Variants in ZZEF1 observed in about 807,000 individuals in gnomAD.
The protein encoded by ZZEF1 is zinc finger ZZ-type and EF-hand domain-containing protein 1.
In ZZEF1, 157 loss-of-function variants were observed where a neutral mutation model predicts 342.8. The observed-to-expected ratio is 0.46, with a 90% CI of 0.40 to 0.52. The LOEUF (loss-of-function observed/expected upper bound fraction) is 0.52, where lower values mean the gene tolerates loss of function less well. ZZEF1 is among the 20% of genes least tolerant of loss of function. The probability of loss-of-function intolerance (pLI) is 0.00; values close to 1 mark genes in which losing one functional copy is unlikely to be tolerated. For missense variants in ZZEF1, 3,480 were observed against 3,725.6 expected (o/e 0.93, Z 1.72); for synonymous variants, 1,505 against 1,429.1 (o/e 1.05, Z -1.20).
At chr17:4,096,791 T>G (rs188990415) in intron 9 of ZZEF1, 91 bp from the exon 10 acceptor site, 102 of 1,010,486 alleles carry the variant, frequency 1.0e-4, no homozygotes, top group Admixed American at 4.3e-4. Flanking sequence ...ATCCTTTGAG[T>G]CATGGGGGGT....
rs183526392 is a variant in ZZEF1, at chr17:4,075,247, A to T, written c.3401+16T>A. ...ACCTATTAGCGCTTGGGGGTGAAAG[A>T]ATATAGAAGTCTTACCTTTTTTCAG... On this transcript the variant is annotated intron_variant, in intron 22 of 54. Coordinates refer to ENST00000381638, the MANE Select transcript of ZZEF1 (RefSeq NM_015113.4). 6.5e-5 allele frequency: 105 copies of T among 1,613,758 alleles called. No homozygotes were observed. The East Asian group carries it at 2.0e-3, about 31-fold the overall frequency.
At chr17:4,027,002 C>T (rs2056422112) in intron 42 of ZZEF1, among the ~76,000 whole-genome samples, 2 of 152,128 alleles carry the variant, frequency 1.3e-5, no homozygotes, top group Admixed American at 6.6e-5. Context: ...CACGTCCCCC[C>T]ACAAAACTAA....
Position 4,085,697 on chromosome 17 carries a change from G to A in ZZEF1, c.2619C>T (p.Thr873=), listed in dbSNP as rs746222795. ...TCATGGTGAAGAGATGGTTCCGTCG[G>A]GTCTGTCGATTAGGAAAGAAGATGG... ...GAAIFFPNRQ[T]RRNHLFTMMN... The change falls in exon 16 of 55, where the codon ACC becomes ACT. Residue 873 remains threonine, a synonymous_variant. Coordinates refer to ENST00000381638, the MANE Select transcript of ZZEF1 (RefSeq NM_015113.4). The A allele has an allele frequency of 3.1e-6, 5 of 1,614,122 alleles. No homozygotes were observed. In the South Asian group the frequency reaches 5.5e-5, roughly 18 times the overall value.
chr17:4,109,811 A>T lies in ZZEF1; in HGVS notation c.1119T>A (p.Ile373=). The change falls in exon 6 of 55, where the codon ATT becomes ATA. Residue 373 remains isoleucine, a synonymous_variant. Coordinates refer to ENST00000381638, the MANE Select transcript of ZZEF1 (RefSeq NM_015113.4). ...RCLSDGCDTR[I]HGLRAVGFQR... ...GAAAGCCAACAGCCCTGAGACCATG[A>T]ATTCTAGTGTCGCAGCCATCGCTAA... 1.2e-6 allele frequency: 2 copies of T among 1,614,202 alleles called. No individual in the cohort carries two copies.
At chr17:4,077,503 T>C (rs1019572742) in intron 19 of ZZEF1, among the ~76,000 whole-genome samples, 9 of 152,226 alleles carry the variant, frequency 5.9e-5, no homozygotes, top group African/African-American at 2.2e-4. Context: ...TCAGCAATGG[T>C]CACAATGCTC....
chr17:4,074,948 G>A (rs976137284), intron 23 of ZZEF1, 149 bp downstream of exon 23: 1 of 830,118 alleles, frequency 1.2e-6, no homozygotes, highest in Non-Finnish European at 1.9e-6. Flanking sequence ...GACTATAGCT[G>A]GTCAAACTCT....
At chr17:4,063,727 C>G (rs2057331468) in intron 29 of ZZEF1, among the ~76,000 whole-genome samples, 1 of 116,624 alleles carries the variant, frequency 8.6e-6, no homozygotes, top group Admixed American at 8.5e-5. Context: ...ACACTCAGGT[C>G]ATTTTTTTTT....
At chr17:4,051,367 G>A (rs1597815041) in intron 35 of ZZEF1, among the ~76,000 whole-genome samples, 1 of 152,130 alleles carries the variant, frequency 6.6e-6, no homozygotes, top group African/African-American at 2.4e-5. Flanking sequence ...ATTTTTAAAG[G>A]GGGGTATAAA....
chr17:4,016,566 A>C lies in ZZEF1; in HGVS notation c.8002-100T>G. On this transcript the variant is annotated intron_variant, in intron 48 of 54. Coordinates refer to ENST00000381638, the MANE Select transcript of ZZEF1 (RefSeq NM_015113.4). This position sits in a 1 kb window ranked among gnomAD's most constrained non-coding sequence, Gnocchi z 4.4. Reference sequence around the variant, plus strand: ...AGCTCCACCCAAAGGTGCTGGCATCATCTTAGACCTAGGACGAGCCTCTGT... The same window carrying C: ...AGCTCCACCCAAAGGTGCTGGCATCCTCTTAGACCTAGGACGAGCCTCTGT... The C allele has an allele frequency of 7.0e-7, 1 of 1,421,878 alleles. No homozygotes were observed. Among genetic ancestry groups the C allele is most frequent in the South Asian group, 1.4e-5 (1 of 70,746 alleles). 88.1% of individuals were successfully genotyped at this position (1,421,878 alleles called of 1,614,324 possible).
rs769627647 is a variant in ZZEF1, at chr17:4,056,218, T to C, written c.5293A>G (p.Lys1765Glu). The change falls in exon 33 of 55, where the codon AAA becomes GAA. Residue 1765 changes from lysine (K) to glutamate (E), a missense_variant and splice_region_variant. Around this residue, in one of 5 missense-constraint regions of ZZEF1, gnomAD observed 175 missense variants for 254.6 expected, o/e 0.69. Transcript: ENST00000381638. Reference sequence around the variant, plus strand: ...GTACTCTAGTTGAGAGGTCTTACTTTCCTCTGCTTCTCTGGATCTTCCTGG... The same window carrying C: ...GTACTCTAGTTGAGAGGTCTTACTTCCCTCTGCTTCTCTGGATCTTCCTGG... The part of the protein sequence containing the change: ...IAQEDPEKQR[K>E]MHMFIARYCD... 6.3e-7 allele frequency: 1 copy of C among 1,584,094 alleles called. No individual in the cohort carries two copies. Among genetic ancestry groups the C allele is most frequent in the South Asian group, 1.2e-5 (1 of 84,498 alleles).
intron 51 of ZZEF1, 133 bp downstream of exon 51, chr17:4,013,956 TG>T: frequency 1.2e-6 from 1 of 841,848 alleles, no homozygotes; most frequent in Non-Finnish European, 1.9e-6. Flanking sequence ...GTGGGGCTTG[TG>T]AGACAAATTT....
At chr17:4,025,190 T>C (rs2145007831) in intron 42 of ZZEF1, 72 bp from the exon 43 acceptor site, 1 of 1,404,880 alleles carries the variant, frequency 7.1e-7, no homozygotes, top group Non-Finnish European at 9.9e-7. Context: ...CTATTTCTTC[T>C]ATAGTAACAT....
intron 37 of ZZEF1, among the ~76,000 whole-genome samples, chr17:4,045,485 T>C (rs1042648240): frequency 3.9e-5 from 6 of 152,204 alleles, no homozygotes; most frequent in African/African-American, 1.4e-4. Flanking sequence ...ATTCTTGGTA[T>C]CTAACATTAT....
In ZZEF1 at chr17:4,088,717, G is replaced by A. The variant is rs548521181; in HGVS notation, c.2202C>T (p.Leu734=). The A allele has an allele frequency of 6.2e-7, 1 of 1,614,182 alleles. No homozygotes were observed. Among genetic ancestry groups the A allele is most frequent in the Non-Finnish European group, 8.5e-7 (1 of 1,180,032 alleles). ...GCTGCTGGATAAACTGAAGGGTCCT[G>A]AGGAGCAACGTGGCCCCACAGACAC... ...EESVCGATLL[L]RTLQFIQQLA... Residue 734 remains leucine (L), a synonymous_variant, in exon 13 of 55, where the codon CTC becomes CTT. Coordinates refer to ENST00000381638, the MANE Select transcript of ZZEF1 (RefSeq NM_015113.4).
At chr17:4,056,494 G>C in intron 32 of ZZEF1, 149 bp from the exon 33 acceptor site, 2 of 789,430 alleles carry the variant, frequency 2.5e-6, no homozygotes, top group Non-Finnish European at 3.5e-6. Flanking sequence ...AAAGCCCCAG[G>C]ATTTGTCAAA....
chr17:4,103,518 A>G (rs909032531), intron 8 of ZZEF1, among the ~76,000 whole-genome samples: 2 of 152,160 alleles, frequency 1.3e-5, no homozygotes, highest in African/African-American at 4.8e-5. Context: ...GTGCACTCCA[A>G]CCTGGATGAC....
At chr17:4,021,344 G>C in intron 44 of ZZEF1, 24 bp from the exon 45 acceptor site, 1 of 1,574,310 alleles carries the variant, frequency 6.4e-7, no homozygotes, top group Middle Eastern at 1.7e-4. Context: ...AAATCCAGCT[G>C]AATGTGAGCA....
In ZZEF1 at chr17:4,017,384, T is replaced by C. The variant is rs1050502292; in HGVS notation, c.7988A>G (p.His2663Arg). The change falls in exon 48 of 55, where the codon CAT becomes CGT. Residue 2663 changes from histidine (H) to arginine (R), a missense_variant. By Grantham distance (29) the His-to-Arg change is conservative. Coordinates refer to ENST00000381638, the MANE Select transcript of ZZEF1 (RefSeq NM_015113.4). The surrounding 1 kb of genome is among the most constrained non-coding windows in gnomAD (Gnocchi z 5.1). ...CTGCATAACTACCTTCTCCCACTCA[T>C]GCTTTTCTTCCAGCTGCATGAACAT... Reference protein sequence around the residue: ...LDMFMQLEEKHEWEKILQKVL... With the variant: ...LDMFMQLEEKREWEKILQKVL... 3 of 1,597,924 alleles carry C rather than the reference T, an allele frequency of 1.9e-6. No homozygotes were observed. The highest frequency in any genetic ancestry group is 2.6e-6 in the Non-Finnish European group (3 of 1,168,428).
At chr17:4,024,701 C>T (rs1023989628) in intron 43 of ZZEF1, among the ~76,000 whole-genome samples, 1 of 152,184 alleles carries the variant, frequency 6.6e-6, no homozygotes, top group African/African-American at 2.4e-5. Context: ...GTAGTAGTAT[C>T]AGATTCCTTG....
Sources: gnomAD v4.1 joint callset for allele counts (sites outside exome capture counted in the v4.1 genomes callset) on GRCh38, gnomAD v4.1.1 for gene constraint, gnomAD v4.1.1 regional missense constraint, Gnocchi (gnomAD v3.1) non-coding constraint, MANE v1.5 for transcripts, NCBI Gene and HGNC (gene_info 2026-07-23, HGNC 2026-07-21) for gene names.